WWC1: variants seen among roughly 807,000 people sequenced by gnomAD.
The protein encoded by WWC1 is WW and C2 domain containing 1.
A neutral mutation model predicts 138.4 loss-of-function variants in WWC1; 55 were observed. The observed-to-expected ratio is 0.40, with a 90% CI of 0.32 to 0.50. The LOEUF (loss-of-function observed/expected upper bound fraction) is 0.50. Among genes scored for constraint, WWC1 ranks in the 20% least tolerant of loss-of-function variants. WWC1 has a pLI of 0.72. For missense variants in WWC1, 1,226 were observed against 1,420.4 expected (o/e 0.86, Z 2.20); for synonymous variants, 524 against 564.9 (o/e 0.93, Z 1.03).
intron 5 of WWC1, among the ~76,000 whole-genome samples, chr5:168,403,871 T>TACACACACACACACACACACAC (rs57788100): frequency 8.2e-5 from 11 of 134,368 alleles, no homozygotes; most frequent in African/African-American, 2.8e-4. Context: ...AACACATGCA[T>TACACACACACACACACACACAC]ACACACACAC....
intron 1 of WWC1, among the ~76,000 whole-genome samples, chr5:168,335,158 C>G (rs1253624019): frequency 6.6e-6 from 1 of 152,222 alleles, no homozygotes; most frequent in South Asian, 2.1e-4. Flanking sequence ...TAAGTCCACT[C>G]ATCACCCAGG....
intron 1 of WWC1, among the ~76,000 whole-genome samples, chr5:168,328,350 A>G (rs771794533): frequency 1.3e-5 from 2 of 152,150 alleles, no homozygotes; most frequent in African/African-American, 2.4e-5. Flanking sequence ...CTGGTGAACA[A>G]CAAGTTCTTG....
At chr5:168,311,937 T>G (rs1966488) in intron 1 of WWC1, among the ~76,000 whole-genome samples, 52,345 of 151,208 alleles carry the variant, frequency 0.35, 9,391 homozygotes, top group Admixed American at 0.41. Flanking sequence ...TAATCCCAGC[T>G]ACTCAGAAGG....
intron 1 of WWC1, among the ~76,000 whole-genome samples, chr5:168,325,922 G>A (rs1772491760): frequency 6.6e-6 from 1 of 152,102 alleles, no homozygotes; most frequent in African/African-American, 2.4e-5. Context: ...TGTGACAGGT[G>A]GTTTCACTTA....
intron 11 of WWC1, 52 bp downstream of exon 11, chr5:168,424,120 C>T: frequency 6.5e-7 from 1 of 1,531,764 alleles, no homozygotes; most frequent in Non-Finnish European, 8.8e-7. Flanking sequence ...GAAAGAGATA[C>T]TCTGTGCTCA....
rs540588161 is a variant in WWC1, at chr5:168,337,339, C to T, written c.120-34085C>T. On this transcript the variant is annotated intron_variant, in intron 1 of 22. Transcript: ENST00000265293. ...CGTATTCATCTTTCAAAAGCTCCAT[C>T]GGTGTAACTAGGAAGGTTTTGACAT... Among the ~76,000 whole-genome samples the T allele has an allele frequency of 1.3e-3, 16 of 12,580 alleles. No homozygotes were observed. In the South Asian group the frequency reaches 0.03, roughly 23 times the overall value. 8.3% of individuals were successfully genotyped at this position (12,580 alleles called of 152,430 possible).
At chr5:168,446,834 G>A (rs188454749) in intron 17 of WWC1, among the ~76,000 whole-genome samples, 2 of 152,284 alleles carry the variant, frequency 1.3e-5, no homozygotes, top group African/African-American at 2.4e-5. Flanking sequence ...GAGAAGGAAC[G>A]TTCCTCACTA....
At chr5:168,357,880 C>T (rs1330546690) in intron 1 of WWC1, among the ~76,000 whole-genome samples, 1 of 152,220 alleles carries the variant, frequency 6.6e-6, no homozygotes, top group East Asian at 1.9e-4. Context: ...TTCTTTTCCA[C>T]TGTTGTGCAG....
Position 168,291,808 on chromosome 5 carries a change from G to A in WWC1, c.-345G>A, listed in dbSNP as rs1769072167. 6.6e-6 allele frequency: 1 copy of A among 150,894 alleles called. No individual in the cohort carries two copies. Among genetic ancestry groups the A allele is most frequent in the Admixed American group, 6.7e-5 (1 of 14,986 alleles). 9.3% of individuals were successfully genotyped at this position (150,894 alleles called of 1,614,324 possible). ...GCAGCGGCGGCGTGGAGGGCGCAGC[G>A]CGCCGCGCGGCGGAGGAGGGCAGAC... On this transcript the variant is annotated 5_prime_UTR_variant, in exon 1 of 23. Transcript: ENST00000265293.
chr5:168,361,383 T>C (rs1256452357), intron 1 of WWC1, among the ~76,000 whole-genome samples: 3 of 152,116 alleles, frequency 2.0e-5, no homozygotes, highest in African/African-American at 7.2e-5. Flanking sequence ...ACCTTCCAAG[T>C]AGGTAATGAG....
chr5:168,433,077 G>A (rs956803245), intron 15 of WWC1, among the ~76,000 whole-genome samples: 18 of 152,238 alleles, frequency 1.2e-4, no homozygotes, highest in African/African-American at 4.3e-4. Context: ...CACCAGCCTT[G>A]CCCTTCCAGC....
chr5:168,292,411 C>A lies in WWC1; in HGVS notation c.119+140C>A. The A allele has an allele frequency of 1.0e-6, 1 of 989,704 alleles. No individual in the cohort carries two copies. The highest frequency in any genetic ancestry group is 1.4e-6 in the Non-Finnish European group (1 of 690,882). The allele number at this position is 989,704 out of a possible 1,614,324, so 61.3% of individuals were successfully genotyped here. On this transcript the variant is annotated intron_variant, in intron 1 of 22. Coordinates refer to ENST00000265293, the MANE Select transcript of WWC1 (RefSeq NM_015238.3). This position sits in a 1 kb window ranked among gnomAD's most constrained non-coding sequence, Gnocchi z 4.4. ...GCTCTCTTCAGTTCGCCACCCCCTG[C>A]TCCCCCCAACCTTCTGGAGCGCTGC...
At chr5:168,468,105 G>T in intron 22 of WWC1, 141 bp downstream of exon 22, 5 of 1,373,388 alleles carry the variant, frequency 3.6e-6, no homozygotes, top group Non-Finnish European at 4.9e-6. Flanking sequence ...CCTCCGCCAA[G>T]CCATCCCTGG....
At chr5:168,422,349 C>T (rs1430638781) in intron 10 of WWC1, among the ~76,000 whole-genome samples, 2 of 152,232 alleles carry the variant, frequency 1.3e-5, no homozygotes, top group East Asian at 1.9e-4. Flanking sequence ...AGAGACTCGG[C>T]TGGGTGTCAT....
intron 20 of WWC1, among the ~76,000 whole-genome samples, chr5:168,461,051 G>A (rs112632164): frequency 3.9e-5 from 6 of 152,176 alleles, no homozygotes; most frequent in East Asian, 1.9e-4. Context: ...CAACCCAGCC[G>A]GGCCCCGTGG....
At chr5:168,410,523 T>C (rs1780142255) in intron 8 of WWC1, among the ~76,000 whole-genome samples, 1 of 152,224 alleles carries the variant, frequency 6.6e-6, no homozygotes, top group African/African-American at 2.4e-5. Flanking sequence ...AAAGCTGACA[T>C]TTTTAGAGCA....
intron 20 of WWC1, among the ~76,000 whole-genome samples, chr5:168,464,296 G>A (rs1023058796): frequency 6.6e-6 from 1 of 152,172 alleles, no homozygotes; most frequent in Non-Finnish European, 1.5e-5. Context: ...TACAGTGACA[G>A]GAATCAATAA....
intron 14 of WWC1, among the ~76,000 whole-genome samples, chr5:168,430,446 G>A (rs1391740967): frequency 6.6e-6 from 1 of 152,200 alleles, no homozygotes; most frequent in Non-Finnish European, 1.5e-5. Flanking sequence ...AGATGACTGT[G>A]TGAATTCCTG....
At chr5:168,336,258 A>G (rs184272659) in intron 1 of WWC1, among the ~76,000 whole-genome samples, 135 of 152,290 alleles carry the variant, frequency 8.9e-4, no homozygotes, top group African/African-American at 3.1e-3. Flanking sequence ...AGAAGAGCCA[A>G]GGCACGTTCT....
Sources: allele counts gnomAD v4.1 joint callset (sites outside exome capture counted in the v4.1 genomes callset), GRCh38; gene constraint gnomAD v4.1.1; non-coding constraint Gnocchi (gnomAD v3.1); transcripts MANE v1.5; gene names NCBI Gene and HGNC (gene_info 2026-07-23, HGNC 2026-07-21).